The following SPAG16 variants were observed in gnomAD, a reference collection of about 807,000 sequenced individuals.
SPAG16 encodes the protein sperm associated antigen 16.
SPAG16 carries 86 observed loss-of-function variants against 80.4 expected under a neutral mutation model. The observed-to-expected ratio is 1.07, with a 90% confidence interval of 0.90 to 1.28. The LOEUF (loss-of-function observed/expected upper bound fraction) is 1.28. SPAG16 is among the 50% of genes most tolerant of loss of function. SPAG16 has a pLI of 0.00. For synonymous variants in SPAG16, 294 were observed against 265.9 expected (o/e 1.11, Z -1.03); for missense variants, 870 against 765.3 (o/e 1.14, Z -1.61).
rs1227095344 is a variant in SPAG16 at position 213,967,281 on chromosome 2, A to G, written c.1400+37136A>G. On this transcript the variant is annotated intron_variant, in intron 12 of 15. Transcript: ENST00000331683. ...TCAGCACCTTCTTTATGTTGAACTC[A>G]TAAAATATGGCAGTCTACAAATCTA... Among the ~76,000 whole-genome samples the G allele has an allele frequency of 2.0e-5, 3 of 152,308 alleles. No homozygotes were observed. In the East Asian group the frequency reaches 5.8e-4, roughly 29 times the overall value.
At chr2:214,232,526 A>T (rs1326923797) in intron 15 of SPAG16, among the ~76,000 whole-genome samples, 4 of 152,020 alleles carry the variant, frequency 2.6e-5, no homozygotes, top group African/African-American at 9.7e-5. Context: ...GTGTTGAGAA[A>T]TATAAATCAT....
rs186281923 is a variant in SPAG16 at position 213,788,043 on chromosome 2, T to C, written c.1071-74442T>C. On this transcript the variant is annotated intron_variant, in intron 10 of 15. Transcript: ENST00000331683. ...GGACAATTGGCACTCTTAGGCACTA[T>C]TGGATTGAATCATCATTATATTCAC... Among the ~76,000 whole-genome samples the C allele has an allele frequency of 4.6e-5, 7 of 152,122 alleles. No individual in the cohort carries two copies. The East Asian group carries it at 1.3e-3, about 29-fold the overall frequency.
intron 15 of SPAG16, among the ~76,000 whole-genome samples, chr2:214,346,453 A>G (rs1360036907): frequency 6.6e-6 from 1 of 152,090 alleles, no homozygotes; most frequent in Non-Finnish European, 1.5e-5. Context: ...TATCTTGGTG[A>G]CAAGTTCTTT....
At chr2:213,562,727 T>A (rs2059633069) in intron 10 of SPAG16, among the ~76,000 whole-genome samples, 1 of 151,570 alleles carries the variant, frequency 6.6e-6, no homozygotes, top group African/African-American at 2.4e-5. Flanking sequence ...AAGGGGCAGA[T>A]CTGATGCCTG....
intron 12 of SPAG16, among the ~76,000 whole-genome samples, chr2:213,948,981 G>A (rs1365094812): frequency 6.6e-6 from 1 of 151,832 alleles, no homozygotes; most frequent in Non-Finnish European, 1.5e-5. Context: ...AGGGTCTCTT[G>A]GGCCTTGTGT....
At chr2:213,401,668 G>A (rs1318911130) in intron 9 of SPAG16, among the ~76,000 whole-genome samples, 1 of 151,970 alleles carries the variant, frequency 6.6e-6, no homozygotes, top group Non-Finnish European at 1.5e-5. Flanking sequence ...TATATAGTGG[G>A]CAGTCTCTTT....
intron 10 of SPAG16, among the ~76,000 whole-genome samples, chr2:213,727,767 T>C (rs7585812): frequency 0.93 from 141,388 of 152,194 alleles, 66,591 homozygotes; most frequent in East Asian, 1. Flanking sequence ...TTGACTTACA[T>C]TTTACTATGA....
At chr2:213,704,771 G>T (rs6749651) in intron 10 of SPAG16, among the ~76,000 whole-genome samples, 1 of 151,900 alleles carries the variant, frequency 6.6e-6, no homozygotes, top group African/African-American at 2.4e-5. Flanking sequence ...TTTGGGCATT[G>T]AAGAGTTATT....
At chr2:213,807,393 A>G (rs1381019538) in intron 10 of SPAG16, among the ~76,000 whole-genome samples, 1 of 151,638 alleles carries the variant, frequency 6.6e-6, no homozygotes, top group East Asian at 1.9e-4. Context: ...TCACCTCCCA[A>G]TGTTATCTCT....
intron 12 of SPAG16, among the ~76,000 whole-genome samples, chr2:213,950,468 G>A (rs900625919): frequency 1.3e-5 from 2 of 149,876 alleles, no homozygotes; most frequent in Admixed American, 1.3e-4. Flanking sequence ...GTTGAAATAA[G>A]AACACAGGTC....
intron 3 of SPAG16, among the ~76,000 whole-genome samples, chr2:213,307,031 C>G (rs2062967214): frequency 6.6e-6 from 1 of 152,282 alleles, no homozygotes; most frequent in South Asian, 2.1e-4. Context: ...CCATCTTGAA[C>G]TGCCTCCTTC....
chr2:214,337,061 T>A (rs553768764), intron 15 of SPAG16, among the ~76,000 whole-genome samples: 1 of 150,606 alleles, frequency 6.6e-6, no homozygotes, highest in East Asian at 2.0e-4. Context: ...GTCCCCCATT[T>A]CTGAAAGAAC....
intron 13 of SPAG16, among the ~76,000 whole-genome samples, chr2:214,058,608 T>G (rs1468790232): frequency 1.3e-5 from 2 of 151,954 alleles, no homozygotes; most frequent in Non-Finnish European, 2.9e-5. Flanking sequence ...AAAATATTGC[T>G]GACAGACACT....
At chr2:213,494,797 T>C (rs903743191) in intron 10 of SPAG16, among the ~76,000 whole-genome samples, 2 of 152,170 alleles carry the variant, frequency 1.3e-5, no homozygotes, top group Non-Finnish European at 2.9e-5. Context: ...GGCTGCATGC[T>C]CTCCCACTCT....
rs2061435313 is a variant in SPAG16, at chr2:213,611,367, T to C, written c.1070+121277T>C. ...TGGTAAGCATGTATTAATAGCATGT[T>C]TTTTTCTATGTGATTTTATATTTAG... is the stretch of plus-strand genomic sequence containing the variant. On this transcript the variant is annotated intron_variant, in intron 10 of 15. Coordinates refer to ENST00000331683, the MANE Select transcript of SPAG16 (RefSeq NM_024532.5). Among the ~76,000 whole-genome samples, 3 of 152,332 alleles carry C rather than the reference T, an allele frequency of 2.0e-5. No homozygotes were observed. In the South Asian group the frequency reaches 6.2e-4, roughly 32 times the overall value.
intron 15 of SPAG16, among the ~76,000 whole-genome samples, chr2:214,277,283 G>C (rs991036204): frequency 6.6e-6 from 1 of 152,076 alleles, no homozygotes; most frequent in Non-Finnish European, 1.5e-5. Flanking sequence ...CTGAAGCCTA[G>C]TTCCGTCAAC....
chr2:213,940,044 C>T (rs1037698647), intron 12 of SPAG16, among the ~76,000 whole-genome samples: 6 of 152,080 alleles, frequency 3.9e-5, no homozygotes, highest in African/African-American at 2.4e-5. Flanking sequence ...TCAAGGCATA[C>T]ACCTACTGTT....
chr2:213,848,349 G>C (rs1484095284), intron 10 of SPAG16, among the ~76,000 whole-genome samples: 1 of 152,192 alleles, frequency 6.6e-6, no homozygotes, highest in Non-Finnish European at 1.5e-5. Flanking sequence ...CTGCATGGAA[G>C]TAAGAGACAT....
intron 10 of SPAG16, among the ~76,000 whole-genome samples, chr2:213,710,972 T>A (rs975156832): frequency 1.3e-5 from 2 of 152,186 alleles, no homozygotes; most frequent in African/African-American, 2.4e-5. Context: ...ATTTTTTTTT[T>A]AATTGTAATA....
Sources: gnomAD v4.1 joint callset for allele counts (sites outside exome capture counted in the v4.1 genomes callset) on GRCh38, gnomAD v4.1.1 for gene constraint, MANE v1.5 for transcripts, NCBI Gene and HGNC (gene_info 2026-07-23, HGNC 2026-07-21) for gene names.